The following F13A1 variants were observed in gnomAD, a reference collection of about 807,000 sequenced individuals.
F13A1 encodes the protein FSF, A subunit.
F13A1 carries 47 observed loss-of-function variants against 80.1 expected under a neutral mutation model. The ratio of observed to expected loss-of-function variants is 0.59; its 90% CI spans 0.46 to 0.75. F13A1 has a LOEUF of 0.75. Among genes scored for constraint, F13A1 ranks in the 30% least tolerant of loss-of-function variants. The probability of loss-of-function intolerance (pLI) is 0.00; values close to 1 mark genes in which losing one functional copy is unlikely to be tolerated. For synonymous variants in F13A1, 349 were observed against 344.9 expected (o/e 1.01, Z -0.13); for missense variants, 817 against 930.4 (o/e 0.88, Z 1.59).
rs772809768 is a variant in F13A1 at position 6,182,007 on chromosome 6, A to C, written c.1440T>G (p.Asp480Glu). The C allele has an allele frequency of 3.7e-6, 6 of 1,614,230 alleles. No individual in the cohort carries two copies. The highest frequency in any genetic ancestry group is 5.1e-6 in the Non-Finnish European group (6 of 1,180,028). ...AATTACCTTCTTGGAATTTGTAAGT[A>C]TCAGTAATATCCATCATGCCATCTC... ...IGGDGMMDIT[D>E]TYKFQEGQEE... is the part of the protein sequence containing the mutation. The change falls in exon 11 of 15, where the codon GAT becomes GAG. Residue 480 changes from aspartate (D) to glutamate (E), a missense_variant. By Grantham distance (45) the Asp-to-Glu change is conservative. Transcript: ENST00000264870.
chr6:6,316,084 T>C (rs111775165), intron 2 of F13A1, among the ~76,000 whole-genome samples: 104 of 5,648 alleles, frequency 0.018, 5 homozygotes, highest in African/African-American at 0.043. Flanking sequence ...TGTGCATATA[T>C]ATATATATAT....
intron 8 of F13A1, among the ~76,000 whole-genome samples, chr6:6,210,431 A>G (rs1761586318): frequency 6.9e-6 from 1 of 144,990 alleles, no homozygotes; most frequent in South Asian, 2.2e-4. Context: ...TGAAAGCTCC[A>G]CCTCCCAGGT....
intron 2 of F13A1, among the ~76,000 whole-genome samples, chr6:6,317,664 G>A (rs568342928): frequency 2.0e-5 from 3 of 152,174 alleles, no homozygotes; most frequent in East Asian, 3.9e-4. Flanking sequence ...GAGGGGAATC[G>A]ACCACACAGC....
intron 3 of F13A1, among the ~76,000 whole-genome samples, chr6:6,275,350 C>A (rs1208645810): frequency 1.3e-5 from 1 of 78,006 alleles, no homozygotes; most frequent in Non-Finnish European, 2.4e-5. Flanking sequence ...TGCCAGGCAC[C>A]ATTTTTTTTA....
intron 3 of F13A1, among the ~76,000 whole-genome samples, chr6:6,289,948 AG>A (rs1366670046): frequency 1.3e-5 from 2 of 152,172 alleles, no homozygotes; most frequent in African/African-American, 4.8e-5. Context: ...CTCCCTCCAA[AG>A]TAGCTTCTAA....
At chr6:6,320,481 G>C (rs901681966) in intron 1 of F13A1, 106 bp downstream of exon 1, 2 of 338,992 alleles carry the variant, frequency 5.9e-6, no homozygotes, top group Non-Finnish European at 1.2e-5. Flanking sequence ...TGTGACCGGC[G>C]CCACAGGGCC....
chr6:6,165,998 G>A (rs1000765170), intron 13 of F13A1, among the ~76,000 whole-genome samples: 2 of 152,282 alleles, frequency 1.3e-5, no homozygotes, highest in Non-Finnish European at 2.9e-5. Flanking sequence ...ATGCCCGTGA[G>A]TTTGGGTGGG....
intron 6 of F13A1, among the ~76,000 whole-genome samples, chr6:6,245,483 C>G (rs1359183227): frequency 6.6e-6 from 1 of 152,204 alleles, no homozygotes; most frequent in African/African-American, 2.4e-5. Flanking sequence ...CTCGGCCTCC[C>G]AAAGTGCTGG....
chr6:6,290,625 T>C (rs1758210107), intron 3 of F13A1, among the ~76,000 whole-genome samples: 2 of 152,160 alleles, frequency 1.3e-5, no homozygotes, highest in Admixed American at 6.5e-5. Context: ...ATGATGGAAC[T>C]TTTTTCCCCC....
chr6:6,160,262 G>A (rs1760549948), intron 13 of F13A1, among the ~76,000 whole-genome samples: 1 of 139,900 alleles, frequency 7.1e-6, no homozygotes, highest in Non-Finnish European at 1.5e-5. Flanking sequence ...GGGGGACAGA[G>A]TGAGACTCCA....
intron 6 of F13A1, among the ~76,000 whole-genome samples, chr6:6,242,695 C>T (rs1027337421): frequency 6.6e-6 from 1 of 152,174 alleles, no homozygotes; most frequent in African/African-American, 2.4e-5. Flanking sequence ...AACAAGCCCC[C>T]AGAAGAGCAA....
At chr6:6,260,149 T>G (rs1417359490) in intron 4 of F13A1, among the ~76,000 whole-genome samples, 2 of 152,164 alleles carry the variant, frequency 1.3e-5, no homozygotes, top group Admixed American at 1.3e-4. Flanking sequence ...ACCACTAAAC[T>G]AAAAACTAAG....
rs145138695 is a variant in F13A1 at position 6,259,669 on chromosome 6, T to C, written c.571+6889A>G. 2.4e-3 allele frequency among the ~76,000 whole-genome samples: 358 copies of C among 152,190 alleles called. 5 individuals carry two copies. Among genetic ancestry groups the C allele is most frequent in the African/African-American group, 7.9e-3 (326 of 41,502 alleles). ...TTACAAGTTATCTGTAATGACAGGG[T>C]GCGGCGAACCTAGAGTATTTACTTG... On this transcript the variant is annotated intron_variant, in intron 4 of 14. Transcript: ENST00000264870.
At chr6:6,308,685 T>C (rs1342447675) in intron 2 of F13A1, among the ~76,000 whole-genome samples, 2 of 142,976 alleles carry the variant, frequency 1.4e-5, no homozygotes, top group Non-Finnish European at 3.0e-5. Flanking sequence ...CAATTTCAGC[T>C]CACTGCAACT....
chr6:6,266,208 G>C (rs1583101869), intron 4 of F13A1, among the ~76,000 whole-genome samples: 1 of 152,172 alleles, frequency 6.6e-6, no homozygotes, highest in African/African-American at 2.4e-5. Context: ...TTCAAAAAGA[G>C]ATGTATTGGA....
At chr6:6,233,689 A>T (rs1316601835) in intron 6 of F13A1, among the ~76,000 whole-genome samples, 2 of 152,200 alleles carry the variant, frequency 1.3e-5, no homozygotes, top group African/African-American at 4.8e-5. Flanking sequence ...CACAGATGCT[A>T]AAATCTTTCA....
intron 3 of F13A1, among the ~76,000 whole-genome samples, chr6:6,297,289 T>C (rs1758344970): frequency 6.6e-6 from 1 of 152,094 alleles, no homozygotes; most frequent in Non-Finnish European, 1.5e-5. Flanking sequence ...ATTCCCTCTT[T>C]TTCTATTGAT....
intron 6 of F13A1, among the ~76,000 whole-genome samples, chr6:6,230,381 A>T (rs1279946108): frequency 6.6e-6 from 1 of 152,064 alleles, no homozygotes; most frequent in Non-Finnish European, 1.5e-5. Context: ...CCTCTTAGGT[A>T]CACAGCTCCA....
chr6:6,182,489 T>C (rs1198077211), intron 10 of F13A1, among the ~76,000 whole-genome samples: 1 of 152,166 alleles, frequency 6.6e-6, no homozygotes, highest in Non-Finnish European at 1.5e-5. Flanking sequence ...TGGACTTCTT[T>C]TGGGCTAACT....
Sources: gnomAD v4.1 joint callset for allele counts (sites outside exome capture counted in the v4.1 genomes callset) on GRCh38, gnomAD v4.1.1 for gene constraint, MANE v1.5 for transcripts, NCBI Gene and HGNC (gene_info 2026-07-23, HGNC 2026-07-21) for gene names.